Variants in RUNX1T1 observed in about 807,000 individuals in gnomAD.
The protein encoded by RUNX1T1 is RUNX1 partner transcriptional co-repressor 1.
In RUNX1T1, 4 loss-of-function variants were observed where a neutral mutation model predicts 62.8. The ratio of observed to expected loss-of-function variants is 0.06; its 90% CI spans 0.03 to 0.15. The LOEUF (loss-of-function observed/expected upper bound fraction) is 0.15. RUNX1T1 is among the 10% of genes least tolerant of loss of function. The pLI is 1.00. For synonymous variants in RUNX1T1, 291 were observed against 286.0 expected, an observed-to-expected ratio of 1.02 and a Z score of -0.18; for missense variants, 508 against 754.3, an observed-to-expected ratio of 0.67 and a Z score of 3.82.
At chr8:92,067,005 T>C (rs532929985), upstream of RUNX1T1, among the ~76,000 whole-genome samples, 1 of 152,326 alleles carries the variant, frequency 6.6e-6, no homozygotes, top group South Asian at 2.1e-4. Context: ...CCTCCTCAAC[T>C]TTCAGCCAGC....
chr8:91,987,558 T>C (rs1402263651), intron 6 of RUNX1T1, among the ~76,000 whole-genome samples: 3 of 151,914 alleles, frequency 2.0e-5, no homozygotes, highest in Admixed American at 6.6e-5. Flanking sequence ...AATTAAAAAA[T>C]AAAAGTAAAT....
At chr8:91,974,896 T>C (rs935997895) in intron 9 of RUNX1T1, among the ~76,000 whole-genome samples, 2 of 152,192 alleles carry the variant, frequency 1.3e-5, no homozygotes, top group African/African-American at 4.8e-5. Context: ...ATAAGATACA[T>C]GTGACTAGAG....
chr8:92,072,438 T>C (rs2130742346), intron 2 of RUNX1T1, among the ~76,000 whole-genome samples: 1 of 152,282 alleles, frequency 6.6e-6, no homozygotes, highest in African/African-American at 2.4e-5. Context: ...GGTATATTTA[T>C]ATACATATAT....
intron 1 of RUNX1T1, among the ~76,000 whole-genome samples, chr8:92,098,950 C>T (rs1837914960): frequency 6.6e-6 from 1 of 152,098 alleles, no homozygotes; most frequent in Non-Finnish European, 1.5e-5. Context: ...GTTCTTTAAA[C>T]ATTATTTAGG....
At chr8:91,976,411 C>A (rs2130707542) in intron 8 of RUNX1T1, among the ~76,000 whole-genome samples, 1 of 152,310 alleles carries the variant, frequency 6.6e-6, no homozygotes, top group South Asian at 2.1e-4. Flanking sequence ...TGCCACCTTT[C>A]AATGAATAGC....
At chr8:92,017,345 G>A in exon 2 of RUNX1T1, 1 of 1,613,948 alleles carries the variant, frequency 6.2e-7, no homozygotes, top group Non-Finnish European at 8.5e-7. Context: ...TGGCATTGTG[G>A]AGTGCTTCTC....
At chr8:92,016,940 T>C (rs1335636982) in intron 2 of RUNX1T1, among the ~76,000 whole-genome samples, 1 of 152,150 alleles carries the variant, frequency 6.6e-6, no homozygotes, top group East Asian at 1.9e-4. Flanking sequence ...TGGTAACAAC[T>C]GGAATTACAG....
At chr8:92,025,628 C>G (rs867179457) in intron 1 of RUNX1T1, among the ~76,000 whole-genome samples, 2 of 152,332 alleles carry the variant, frequency 1.3e-5, no homozygotes, top group Middle Eastern at 3.4e-3. Flanking sequence ...CTGTCTAGAT[C>G]CCTCCTGCAG....
intron 1 of RUNX1T1, among the ~76,000 whole-genome samples, chr8:92,044,017 C>T (rs1200185642): frequency 6.6e-6 from 1 of 150,466 alleles, no homozygotes; most frequent in Non-Finnish European, 1.5e-5. Context: ...GAATTTATGC[C>T]AAAGTTTCTA....
chr8:91,979,982 C>A (rs950858012), intron 8 of RUNX1T1: 8 of 341,392 alleles, frequency 2.3e-5, no homozygotes, highest in Non-Finnish European at 4.7e-5. Flanking sequence ...ATTACAAAAA[C>A]CATCAAAAGA....
intron 1 of RUNX1T1, among the ~76,000 whole-genome samples, chr8:92,078,752 A>C (rs1037060476): frequency 8.5e-5 from 13 of 152,232 alleles, no homozygotes; most frequent in African/African-American, 3.1e-4. Flanking sequence ...CTTGTTACAG[A>C]AATATAATGT....
chr8:91,986,724 C>T (rs1419741943), intron 7 of RUNX1T1, among the ~76,000 whole-genome samples, 163 bp downstream of exon 8: 2 of 152,102 alleles, frequency 1.3e-5, no homozygotes, highest in African/African-American at 4.8e-5. Flanking sequence ...ATTTAGAAAT[C>T]AAATCCTATA....
intron 9 of RUNX1T1, among the ~76,000 whole-genome samples, chr8:91,974,037 G>A (rs1377940059): frequency 3.3e-5 from 5 of 151,790 alleles, no homozygotes; most frequent in Non-Finnish European, 7.4e-5. Flanking sequence ...TCTTGGAGAG[G>A]GCAAGCACAC....
At chr8:91,982,918 CTTTTTTTTTTTTTT>C (rs56135737) in intron 8 of RUNX1T1, among the ~76,000 whole-genome samples, 7 of 59,636 alleles carry the variant, frequency 1.2e-4, no homozygotes, top group Admixed American at 2.8e-4. Context: ...TAGGAAAATA[CTTTTTTTTTTTTTT>C]TTTTTTTTTT....
intron 8 of RUNX1T1, among the ~76,000 whole-genome samples, chr8:91,978,865 A>G (rs142172897): frequency 4.3e-3 from 651 of 152,320 alleles, no homozygotes; most frequent in Non-Finnish European, 6.3e-3. Context: ...ATACCTTCCT[A>G]AATTTCTCAC....
chr8:91,991,895 G>A lies in RUNX1T1; in HGVS notation c.660-6C>T. On this transcript the variant is annotated splice_polypyrimidine_tract_variant and splice_region_variant and intron_variant, in intron 5 of 10. Transcript: ENST00000396218. ...CAAAGCCATTTTCTTTGGTTCTAAA[G>A]GGGGAAAAAACAAGAGTTTGTTTCA... 3 of 1,613,616 alleles carry A rather than the reference G, an allele frequency of 1.9e-6. No individual in the cohort carries two copies. The highest frequency in any genetic ancestry group is 2.5e-6 in the Non-Finnish European group (3 of 1,179,688).
exon 11 of RUNX1T1, chr8:91,959,033 T>C (rs1455854686): frequency 4.7e-6 from 1 of 210,904 alleles, no homozygotes. Context: ...TACAGGTTTC[T>C]CACCAACTAG....
chr8:92,011,145 A>C (rs1019711644), intron 3 of RUNX1T1, 54 bp from the exon 5 acceptor site: 51 of 958,832 alleles, frequency 5.3e-5, no homozygotes, highest in African/African-American at 8.1e-5. Flanking sequence ...AAATAGTAAA[A>C]ACACAAACAA....
intron 1 of RUNX1T1, among the ~76,000 whole-genome samples, chr8:92,040,042 C>G (rs1294844836): frequency 3.3e-5 from 5 of 152,222 alleles, no homozygotes; most frequent in East Asian, 1.9e-4. Flanking sequence ...CTTTCTACCA[C>G]TTCTACTTAT....
Sources: allele counts gnomAD v4.1 joint callset (sites outside exome capture counted in the v4.1 genomes callset), GRCh38; gene constraint gnomAD v4.1.1; transcripts MANE v1.5; gene names NCBI Gene and HGNC (gene_info 2026-07-23, HGNC 2026-07-21).